NEGR1: variants seen among roughly 807,000 people sequenced by gnomAD.
The protein encoded by NEGR1 is IgLON family member 4.
A neutral mutation model predicts 40.9 loss-of-function variants in NEGR1; 10 were observed. That is an observed-to-expected ratio of 0.24 (90% CI 0.15 to 0.42). The LOEUF is 0.42. Among genes scored for constraint, NEGR1 ranks in the 10% least tolerant of loss-of-function variants. The probability of loss-of-function intolerance (pLI) is 1.00; values close to 1 mark genes in which losing one functional copy is unlikely to be tolerated. For synonymous variants in NEGR1, 185 were observed against 166.8 expected (o/e 1.11, Z -0.84); for missense variants, 352 against 438.9 (o/e 0.80, Z 1.77).
intron 3 of NEGR1, among the ~76,000 whole-genome samples, chr1:71,750,289 G>A (rs916330680): frequency 5.9e-5 from 9 of 152,100 alleles, no homozygotes; most frequent in Non-Finnish European, 1.0e-4. Flanking sequence ...CACCGCGCCC[G>A]GCCCTGCTCC....
At chr1:71,561,374 C>T (rs190905069) in intron 6 of NEGR1, among the ~76,000 whole-genome samples, 4 of 151,608 alleles carry the variant, frequency 2.6e-5, no homozygotes, top group Admixed American at 6.6e-5. Context: ...TAAAAATTTC[C>T]GCAGTTTGGA....
chr1:71,776,366 T>G, intron 2 of NEGR1, 69 bp from the exon 3 acceptor site: 1 of 908,474 alleles, frequency 1.1e-6, no homozygotes, highest in Non-Finnish European at 1.6e-6. Flanking sequence ...GTATGATTAA[T>G]TCCATAATAT....
intron 6 of NEGR1, among the ~76,000 whole-genome samples, chr1:71,413,677 C>T (rs996697453): frequency 4.6e-5 from 7 of 151,938 alleles, no homozygotes; most frequent in African/African-American, 1.7e-4. Context: ...GACCTAATGA[C>T]GAGTTTGTTT....
At chr1:71,438,742 T>C (rs1424082765) in intron 6 of NEGR1, among the ~76,000 whole-genome samples, 3 of 152,186 alleles carry the variant, frequency 2.0e-5, no homozygotes, top group African/African-American at 7.2e-5. Flanking sequence ...ACACAGACTA[T>C]CGAAAGTGAG....
chr1:71,624,662 C>T (rs543067732), intron 4 of NEGR1, among the ~76,000 whole-genome samples: 3 of 152,002 alleles, frequency 2.0e-5, no homozygotes, highest in Admixed American at 1.3e-4. Context: ...TTGATACTTC[C>T]TCAGTCTGGA....
intron 1 of NEGR1, among the ~76,000 whole-genome samples, chr1:72,048,259 T>A (rs531458803): frequency 3.3e-5 from 5 of 151,792 alleles, no homozygotes; most frequent in African/African-American, 1.2e-4. Flanking sequence ...TTCGTTAAAC[T>A]AACATTACCT....
At chr1:72,145,180 C>A (rs1240830848) in intron 1 of NEGR1, among the ~76,000 whole-genome samples, 3 of 152,010 alleles carry the variant, frequency 2.0e-5, no homozygotes, top group Admixed American at 6.6e-5. Context: ...TACTATAAGA[C>A]CTCCTTAAAT....
chr1:71,469,207 A>G (rs1646766611), intron 6 of NEGR1, among the ~76,000 whole-genome samples: 2 of 152,062 alleles, frequency 1.3e-5, no homozygotes, highest in African/African-American at 4.8e-5. Context: ...ATAGTTTGTC[A>G]TCTTGCAACT....
intron 6 of NEGR1, among the ~76,000 whole-genome samples, chr1:71,474,103 C>T (rs934415338): frequency 6.6e-6 from 1 of 151,938 alleles, no homozygotes; most frequent in Non-Finnish European, 1.5e-5. Context: ...AATTTCCAGG[C>T]ATACCTAGGG....
At chr1:72,160,632 T>C (rs920371924) in intron 1 of NEGR1, among the ~76,000 whole-genome samples, 2 of 152,168 alleles carry the variant, frequency 1.3e-5, no homozygotes, top group Non-Finnish European at 1.5e-5. Flanking sequence ...GATTCTATCA[T>C]GATTCTCGCT....
At chr1:71,744,284 C>CATATAT (rs147978120) in intron 3 of NEGR1, among the ~76,000 whole-genome samples, 14 of 137,158 alleles carry the variant, frequency 1.0e-4, no homozygotes, top group East Asian at 4.3e-4. Flanking sequence ...TGACAAATAA[C>CATATAT]ATATATATAT....
intron 2 of NEGR1, among the ~76,000 whole-genome samples, chr1:71,919,769 T>A (rs1645684330): frequency 6.6e-6 from 1 of 152,196 alleles, no homozygotes; most frequent in Non-Finnish European, 1.5e-5. Context: ...AGGAAAGTTG[T>A]CTTTAAAAAT....
chr1:71,720,728 A>G (rs527853318), intron 3 of NEGR1, among the ~76,000 whole-genome samples: 2 of 152,256 alleles, frequency 1.3e-5, no homozygotes, highest in South Asian at 4.1e-4. Context: ...ATATTGGCAA[A>G]ATAAAGCAAA....
chr1:72,221,761 C>A (rs531975474), intron 1 of NEGR1, among the ~76,000 whole-genome samples: 1 of 151,952 alleles, frequency 6.6e-6, no homozygotes, highest in Admixed American at 6.6e-5. Context: ...TTTTCCATCA[C>A]GTCTATAAAT....
At chr1:71,743,220 T>G (rs1655271976) in intron 3 of NEGR1, among the ~76,000 whole-genome samples, 2 of 152,190 alleles carry the variant, frequency 1.3e-5, no homozygotes, top group African/African-American at 4.8e-5. Flanking sequence ...TGTTGCTTCT[T>G]AAGCCAGGAT....
intron 6 of NEGR1, among the ~76,000 whole-genome samples, chr1:71,538,997 C>T (rs903143281): frequency 6.6e-6 from 1 of 151,682 alleles, no homozygotes; most frequent in African/African-American, 2.4e-5. Context: ...GTTTCCATCA[C>T]ATGGTTGTTG....
intron 6 of NEGR1, among the ~76,000 whole-genome samples, chr1:71,472,394 G>A (rs908377926): frequency 1.3e-5 from 2 of 151,990 alleles, no homozygotes; most frequent in Non-Finnish European, 2.9e-5. Context: ...CTGAAATCTC[G>A]ATATATGAAC....
At chr1:71,784,773 ATACACT>A (rs1437097057) in intron 2 of NEGR1, among the ~76,000 whole-genome samples, 2 of 152,228 alleles carry the variant, frequency 1.3e-5, no homozygotes, top group African/African-American at 4.8e-5. Context: ...AAATAAAAAC[ATACACT>A]TACACATGAA....
At chr1:72,223,505 A>C (rs998402394) in intron 1 of NEGR1, among the ~76,000 whole-genome samples, 1 of 152,202 alleles carries the variant, frequency 6.6e-6, no homozygotes, top group African/African-American at 2.4e-5. Context: ...TCTCTTCTAC[A>C]TGAAGCATTC....
Sources: allele counts gnomAD v4.1 joint callset (sites outside exome capture counted in the v4.1 genomes callset), GRCh38; gene constraint gnomAD v4.1.1; transcripts MANE v1.5; gene names NCBI Gene and HGNC (gene_info 2026-07-23, HGNC 2026-07-21).